Variants in ATE1 observed in about 807,000 individuals in gnomAD.
ATE1 encodes arginyltransferase 1.
Under a neutral mutation model 70.5 loss-of-function variants are expected in ATE1, and 36 were observed. The observed-to-expected ratio is 0.51, with a 90% CI of 0.39 to 0.67. ATE1 has a LOEUF of 0.67. ATE1 is among the 30% of genes least tolerant of loss of function. The probability of loss-of-function intolerance (pLI) is 0.00; values close to 1 mark genes in which losing one functional copy is unlikely to be tolerated. For synonymous variants in ATE1, 232 were observed against 219.3 expected (o/e 1.06, Z -0.51); for missense variants, 593 against 629.5 (o/e 0.94, Z 0.62).
intron 10 of ATE1, among the ~76,000 whole-genome samples, chr10:121,807,319 G>C (rs941028242): frequency 6.6e-6 from 1 of 152,142 alleles, no homozygotes. Context: ...CAAAAAGAAA[G>C]GAAGAGTAAC....
chr10:121,852,987 A>G (rs954312053), intron 8 of ATE1, among the ~76,000 whole-genome samples: 2 of 152,178 alleles, frequency 1.3e-5, no homozygotes, highest in African/African-American at 4.8e-5. Flanking sequence ...AGTATTATCA[A>G]TGGAGCGATT....
At chr10:121,829,655 GC>G (rs1291979025) in intron 10 of ATE1, among the ~76,000 whole-genome samples, 6 of 151,114 alleles carry the variant, frequency 4.0e-5, no homozygotes, top group Admixed American at 4.0e-4. Context: ...GTTGCAGTGA[GC>G]CAAGATCATG....
At chr10:121,837,045 C>G (rs1342936143) in intron 9 of ATE1, among the ~76,000 whole-genome samples, 1 of 152,184 alleles carries the variant, frequency 6.6e-6, no homozygotes, top group Non-Finnish European at 1.5e-5. Flanking sequence ...AGGTTTTACA[C>G]TTTATTGGAC....
At chr10:121,927,697 G>T in intron 1 of ATE1, 147 bp downstream of exon 1, 1 of 1,325,620 alleles carries the variant, frequency 7.5e-7, no homozygotes, top group Non-Finnish European at 9.7e-7. Context: ...CTAAGCCGGC[G>T]CCGCGGCCCT....
intron 11 of ATE1, among the ~76,000 whole-genome samples, chr10:121,763,969 G>A (rs755001058): frequency 1.3e-5 from 2 of 152,162 alleles, no homozygotes; most frequent in Non-Finnish European, 2.9e-5. Context: ...AGCTGTGACT[G>A]TGCCACTGCA....
intron 8 of ATE1, among the ~76,000 whole-genome samples, chr10:121,856,058 A>G (rs888245697): frequency 7.0e-6 from 1 of 143,686 alleles, no homozygotes; most frequent in South Asian, 2.4e-4. Flanking sequence ...CCTGGGCAAC[A>G]TGAGCAAAAC....
intron 8 of ATE1, among the ~76,000 whole-genome samples, chr10:121,847,186 C>A (rs1265490187): frequency 6.6e-6 from 1 of 152,180 alleles, no homozygotes; most frequent in Non-Finnish European, 1.5e-5. Flanking sequence ...CGGTGTCTCA[C>A]GCATGTAATC....
At chr10:121,822,070 T>C (rs1232422342) in intron 10 of ATE1, among the ~76,000 whole-genome samples, 2 of 152,214 alleles carry the variant, frequency 1.3e-5, no homozygotes, top group Non-Finnish European at 2.9e-5. Flanking sequence ...GGAATGCATA[T>C]ATATGTTCAC....
intron 11 of ATE1, among the ~76,000 whole-genome samples, chr10:121,782,088 GA>G (rs199848276): frequency 7.3e-5 from 11 of 150,726 alleles, no homozygotes; most frequent in African/African-American, 2.4e-4. Flanking sequence ...TACCTTGCAG[GA>G]AAAAAAAATG....
intron 11 of ATE1, among the ~76,000 whole-genome samples, chr10:121,763,405 C>T (rs1376280212): frequency 6.6e-6 from 1 of 152,000 alleles, no homozygotes; most frequent in Non-Finnish European, 1.5e-5. Context: ...CTATACCTGA[C>T]AGAATATTAC....
intron 10 of ATE1, among the ~76,000 whole-genome samples, chr10:121,828,904 G>T (rs779453896): frequency 2.0e-5 from 3 of 152,058 alleles, no homozygotes; most frequent in Non-Finnish European, 4.4e-5. Flanking sequence ...ATAAATATAT[G>T]GTGAAGAAAC....
intron 10 of ATE1, among the ~76,000 whole-genome samples, chr10:121,834,962 C>T (rs1357677446): frequency 6.6e-6 from 1 of 152,066 alleles, no homozygotes; most frequent in South Asian, 2.1e-4. Context: ...CTTATAAATA[C>T]ATTAAAGTAT....
chr10:121,901,884 T>C (rs186603825), intron 6 of ATE1, among the ~76,000 whole-genome samples: 1 of 152,316 alleles, frequency 6.6e-6, no homozygotes, highest in Non-Finnish European at 1.5e-5. Flanking sequence ...CAAAGTGGTT[T>C]TGGCACTAAT....
chr10:121,865,191 T>C (rs1003235793), intron 8 of ATE1, among the ~76,000 whole-genome samples: 4 of 152,204 alleles, frequency 2.6e-5, no homozygotes, highest in Admixed American at 6.5e-5. Flanking sequence ...ATCTACCTCA[T>C]TGACATTCTG....
intron 10 of ATE1, among the ~76,000 whole-genome samples, chr10:121,790,758 T>C (rs560731403): frequency 6.6e-5 from 10 of 152,294 alleles, no homozygotes; most frequent in Non-Finnish European, 1.0e-4. Flanking sequence ...CAGTTGATAA[T>C]ATTCATTCTT....
At chr10:121,854,011 C>T (rs1478442824) in intron 8 of ATE1, among the ~76,000 whole-genome samples, 1 of 152,184 alleles carries the variant, frequency 6.6e-6, no homozygotes, top group Non-Finnish European at 1.5e-5. Flanking sequence ...TCTTAGAATA[C>T]TATGACACTG....
chr10:121,751,849 C>CT (rs1944592033), intron 11 of ATE1, among the ~76,000 whole-genome samples: 1 of 152,032 alleles, frequency 6.6e-6, no homozygotes, highest in Non-Finnish European at 1.5e-5. Context: ...GTTGCCTGTG[C>CT]TTTTTGTATC....
intron 11 of ATE1, among the ~76,000 whole-genome samples, chr10:121,762,175 C>T (rs1007725306): frequency 6.6e-6 from 1 of 152,228 alleles, no homozygotes; most frequent in Non-Finnish European, 1.5e-5. Context: ...TTCAGCTTTC[C>T]TGACACTATT....
intron 8 of ATE1, among the ~76,000 whole-genome samples, chr10:121,853,860 G>C (rs1422755268): frequency 6.6e-6 from 1 of 152,196 alleles, no homozygotes; most frequent in Non-Finnish European, 1.5e-5. Flanking sequence ...GTGAGGGTTT[G>C]TTACTCATAA....
Sources: allele counts gnomAD v4.1 joint callset (sites outside exome capture counted in the v4.1 genomes callset), GRCh38; gene constraint gnomAD v4.1.1; transcripts MANE v1.5; gene names NCBI Gene and HGNC (gene_info 2026-07-23, HGNC 2026-07-21).